RNF144B: variants seen among roughly 807,000 people sequenced by gnomAD.
The protein encoded by RNF144B is E3 ubiquitin-protein ligase RNF144B.
RNF144B carries 25 observed loss-of-function variants against 40.2 expected under a neutral mutation model. That is an observed-to-expected ratio of 0.62 (90% CI 0.45 to 0.87). The LOEUF (loss-of-function observed/expected upper bound fraction) is 0.87, where lower values mean the gene tolerates loss of function less well. Among genes scored for constraint, RNF144B ranks in the 40% least tolerant of loss-of-function variants. RNF144B has a pLI of 0.00. For synonymous variants in RNF144B, 145 were observed against 136.3 expected (o/e 1.06, Z -0.44); for missense variants, 365 against 373.7 (o/e 0.98, Z 0.19).
chr6:18,408,297 A>G (rs903886753), intron 2 of RNF144B, among the ~76,000 whole-genome samples: 2 of 152,094 alleles, frequency 1.3e-5, no homozygotes, highest in Admixed American at 6.6e-5. Flanking sequence ...AGATTTTTCT[A>G]AAACCATGAT....
At chr6:18,411,493 ATATATTT>A (rs1795043821) in intron 2 of RNF144B, among the ~76,000 whole-genome samples, 1 of 23,068 alleles carries the variant, frequency 4.3e-5, no homozygotes, top group Non-Finnish European at 7.4e-5. Flanking sequence ...ATATATATAT[ATATATTT>A]TTTTTTTTTT....
chr6:18,452,023 T>G lies in RNF144B; in HGVS notation c.332-5132T>G, dbSNP rs111441169. Among the ~76,000 whole-genome samples, 327 of 152,316 alleles carry G rather than the reference T, an allele frequency of 2.1e-3. 1 individual carries two copies. Among genetic ancestry groups the G allele is most frequent in the African/African-American group, 7.5e-3 (310 of 41,580 alleles). ...CATAACATACTTTCAACACCAGGAC[T>G]GATATTGGATGATTTTAATATGCTG... is the stretch of plus-strand genomic sequence containing the variant. On this transcript the variant is annotated intron_variant, in intron 4 of 7. Transcript: ENST00000259939.
intron 2 of RNF144B, among the ~76,000 whole-genome samples, chr6:18,408,458 A>G (rs1477676526): frequency 1.3e-5 from 2 of 152,320 alleles, no homozygotes; most frequent in East Asian, 3.9e-4. Context: ...TTTATCTTCT[A>G]CATTTAGGTC....
intron 3 of RNF144B, among the ~76,000 whole-genome samples, chr6:18,436,726 CA>C (rs1386547005): frequency 6.6e-6 from 1 of 152,086 alleles, no homozygotes; most frequent in African/African-American, 2.4e-5. Context: ...TGAATATCCT[CA>C]AAAAATTGAT....
rs373043832 is a variant in RNF144B, at chr6:18,387,578, C to A, written c.-89C>A. 1 of 1,325,484 alleles carries A rather than the reference C, an allele frequency of 7.5e-7. No homozygotes were observed. Among genetic ancestry groups the A allele is most frequent in the Admixed American group, 2.1e-5 (1 of 48,606 alleles). The allele number at this position is 1,325,484 out of a possible 1,614,324, so 82.1% of individuals were successfully genotyped here. A position where few individuals can be genotyped will look rare whatever the true frequency, so the allele number is the denominator to read the frequency against. On this transcript the variant is annotated 5_prime_UTR_variant, in exon 1 of 8. Coordinates refer to ENST00000259939, the MANE Select transcript of RNF144B (RefSeq NM_182757.4). Reference sequence around the variant, plus strand: ...CAGCAGCCCGGACTGGCGGTGAGCGCGAGGGAGGCTACTGAGAAGCCCGGC... The same window carrying A: ...CAGCAGCCCGGACTGGCGGTGAGCGAGAGGGAGGCTACTGAGAAGCCCGGC...
At position 18,418,661 on chromosome 6, in the gene RNF144B, A is replaced by G. The variant is rs373912477; in HGVS notation, c.166-8920A>G. Reference sequence around the variant, plus strand: ...TCTAAAATCAAATTTGGTGATAGTTATACACTGTGAATATACTAAAAATAC... The same window carrying G: ...TCTAAAATCAAATTTGGTGATAGTTGTACACTGTGAATATACTAAAAATAC... On this transcript the variant is annotated intron_variant, in intron 2 of 7. Transcript: ENST00000259939. The surrounding 1 kb of genome is among the most constrained non-coding windows in gnomAD (Gnocchi z 5.2). Among the ~76,000 whole-genome samples, 74 of 152,274 alleles carry G rather than the reference A, an allele frequency of 4.9e-4. No individual in the cohort carries two copies. Among genetic ancestry groups the G allele is most frequent in the African/African-American group, 1.8e-3 (74 of 41,556 alleles).
chr6:18,399,848 A>T (rs1255109106), intron 2 of RNF144B, 149 bp downstream of exon 2: 5 of 640,272 alleles, frequency 7.8e-6, no homozygotes, highest in Non-Finnish European at 1.3e-5. Context: ...CCTATTTCCA[A>T]ATAGTATCTT....
chr6:18,406,501 T>G lies in RNF144B; in HGVS notation c.165+6802T>G, dbSNP rs1794912077. 9.7e-6 allele frequency among the ~76,000 whole-genome samples: 1 copy of G among 102,694 alleles called. No individual in the cohort carries two copies. Among genetic ancestry groups the G allele is most frequent in the African/African-American group, 4.0e-5 (1 of 24,990 alleles). 67.4% of individuals were successfully genotyped at this position (102,694 alleles called of 152,430 possible). On this transcript the variant is annotated intron_variant, in intron 2 of 7. Coordinates refer to ENST00000259939, the MANE Select transcript of RNF144B (RefSeq NM_182757.4). The surrounding 1 kb of genome is among the most constrained non-coding windows in gnomAD (Gnocchi z 4.2). ...GTGTGTGTGTGTGTGTGTGTGTGTG[T>G]AGGGGGAGTAGTAGGAGATGAAGGC...
intron 1 of RNF144B, among the ~76,000 whole-genome samples, chr6:18,388,088 G>C: frequency 6.6e-6 from 1 of 152,126 alleles, no homozygotes; most frequent in Admixed American, 6.5e-5. Context: ...GGTATCTTTT[G>C]CTTATTCTTT....
At chr6:18,409,464 C>A (rs369987556) in intron 2 of RNF144B, among the ~76,000 whole-genome samples, 1 of 149,064 alleles carries the variant, frequency 6.7e-6, no homozygotes, top group East Asian at 2.0e-4. Context: ...CATATCTTAC[C>A]TTCTTGCCAT....
chr6:18,453,274 G>C (rs553425583), intron 4 of RNF144B, among the ~76,000 whole-genome samples: 2 of 151,220 alleles, frequency 1.3e-5, no homozygotes, highest in South Asian at 4.2e-4. Context: ...TAGTAGCTGG[G>C]ATCACAGGCG....
chr6:18,436,952 A>T (rs1212131495), intron 3 of RNF144B, among the ~76,000 whole-genome samples: 1 of 152,018 alleles, frequency 6.6e-6, no homozygotes, highest in African/African-American at 2.4e-5. Context: ...TATAATAGAA[A>T]TATTTCAGAA....
rs1301945895 is a variant in RNF144B, at chr6:18,387,541, TGTCC to T, written c.-124_-121del. ...AAGACGGAGAGAATGGAAGAGCTCC[TGTCC>T]GGTGTGCCAGCAGCCCGGACTGGCG... On this transcript the variant is annotated 5_prime_UTR_variant, in exon 1 of 8. It removes the in-frame stop codon of an upstream open reading frame in the 5' UTR. Transcript: ENST00000259939. 6 of 787,896 alleles carry T rather than the reference TGTCC, an allele frequency of 7.6e-6. No individual in the cohort carries two copies. In the Admixed American group the frequency reaches 1.3e-4, roughly 17 times the overall value. 48.8% of individuals were successfully genotyped at this position (787,896 alleles called of 1,614,324 possible).
At chr6:18,463,824 C>T (rs1738837636) in intron 7 of RNF144B, among the ~76,000 whole-genome samples, 1 of 152,132 alleles carries the variant, frequency 6.6e-6, no homozygotes, top group Admixed American at 6.5e-5. Context: ...GCTGGGGAGG[C>T]CTCACAATCA....
chr6:18,431,896 C>T (rs777543162), intron 3 of RNF144B, among the ~76,000 whole-genome samples: 50 of 152,260 alleles, frequency 3.3e-4, no homozygotes, highest in East Asian at 5.8e-4. Context: ...GATTATGCCT[C>T]CTAAATTTTA....
rs760315460 is a variant in RNF144B, at chr6:18,457,185, G to A, written c.362G>A (p.Cys121Tyr). Residue 121 changes from cysteine to tyrosine, a missense_variant, in exon 5 of 8, where the codon TGT becomes TAT. Cys to Tyr is a radical substitution (Grantham distance 194). Coordinates refer to ENST00000259939, the MANE Select transcript of RNF144B (RefSeq NM_182757.4). The surrounding 1 kb of genome is among the most constrained non-coding windows in gnomAD (Gnocchi z 5.1). Reference sequence around the variant, plus strand: ...CATCTGGACCCCTACCGAACATGGTGTCCTGTTGCAGACTGTCAGACAGTG... The same window carrying A: ...CATCTGGACCCCTACCGAACATGGTATCCTGTTGCAGACTGTCAGACAGTG... Reference protein sequence around the residue: ...EVHLDPYRTWCPVADCQTVCP... With the variant: ...EVHLDPYRTWYPVADCQTVCP... 3 of 1,614,034 alleles carry A rather than the reference G, an allele frequency of 1.9e-6. No homozygotes were observed. Among genetic ancestry groups the A allele is most frequent in the South Asian group, 1.1e-5 (1 of 91,078 alleles).
chr6:18,414,675 GAC>G lies in RNF144B; in HGVS notation c.166-12904_166-12903del, dbSNP rs1463530844. On this transcript the variant is annotated intron_variant, in intron 2 of 7. Coordinates refer to ENST00000259939, the MANE Select transcript of RNF144B (RefSeq NM_182757.4). This position sits in a 1 kb window ranked among gnomAD's most constrained non-coding sequence, Gnocchi z 4.9. ...TTATTCAAACTGGTTTAAATACTGAGACAGATTTTATTTAAAATATAGGATTT... is the reference window on the plus strand; with the variant it reads ...TTATTCAAACTGGTTTAAATACTGAGAGATTTTATTTAAAATATAGGATTT... Among the ~76,000 whole-genome samples the G allele has an allele frequency of 6.6e-6, 1 of 152,064 alleles. No homozygotes were observed. The highest frequency in any genetic ancestry group is 1.5e-5 in the Non-Finnish European group (1 of 67,982).
chr6:18,462,662 GT>G (rs5874643), intron 6 of RNF144B, among the ~76,000 whole-genome samples: 25 of 146,494 alleles, frequency 1.7e-4, no homozygotes, highest in South Asian at 2.2e-4. Flanking sequence ...TGAGGTCCAA[GT>G]TTTTTTTTTT....
chr6:18,388,826 C>T (rs1227600452), intron 1 of RNF144B, among the ~76,000 whole-genome samples: 7 of 149,514 alleles, frequency 4.7e-5, no homozygotes, highest in South Asian at 2.1e-4. Context: ...TTATTTTTGT[C>T]GTGGGCATAA....
Sources: allele counts gnomAD v4.1 joint callset (sites outside exome capture counted in the v4.1 genomes callset), GRCh38; gene constraint gnomAD v4.1.1; non-coding constraint Gnocchi (gnomAD v3.1); transcripts MANE v1.5; gene names NCBI Gene and HGNC (gene_info 2026-07-23, HGNC 2026-07-21).